SYN3: variants seen among roughly 807,000 people sequenced by gnomAD.
SYN3 encodes synapsin III.
SYN3 carries 35 observed loss-of-function variants against 65.8 expected under a neutral mutation model. The ratio of observed to expected loss-of-function variants is 0.53; its 90% CI spans 0.41 to 0.70. The LOEUF (loss-of-function observed/expected upper bound fraction) is 0.70, where lower values mean the gene tolerates loss of function less well. SYN3 is among the 30% of genes least tolerant of loss of function. The pLI, the probability that SYN3 is intolerant of heterozygous loss-of-function variation, is 0.00. For missense variants in SYN3, 680 were observed against 749.0 expected (o/e 0.91, Z 1.08); for synonymous variants, 270 against 292.9 (o/e 0.92, Z 0.80).
intron 6 of SYN3, among the ~76,000 whole-genome samples, chr22:32,766,031 T>C (rs1373406525): frequency 6.6e-6 from 1 of 152,158 alleles, no homozygotes; most frequent in Non-Finnish European, 1.5e-5. Context: ...TTTGTTGTTG[T>C]TGTTCATTTG....
chr22:32,610,294 A>C (rs988872969), intron 6 of SYN3, among the ~76,000 whole-genome samples: 32 of 151,342 alleles, frequency 2.1e-4, no homozygotes, highest in East Asian at 1.2e-3. Flanking sequence ...GCCCCCCCCA[A>C]AAAAAGAAAT....
chr22:32,942,634 G>A (rs1226981549), intron 3 of SYN3, among the ~76,000 whole-genome samples: 2 of 152,232 alleles, frequency 1.3e-5, no homozygotes, highest in East Asian at 1.9e-4. Context: ...GGCTTCAGAC[G>A]ATCAAACTTC....
intron 6 of SYN3, among the ~76,000 whole-genome samples, chr22:32,670,775 A>G (rs1348508548): frequency 6.6e-6 from 1 of 152,216 alleles, no homozygotes; most frequent in Non-Finnish European, 1.5e-5. Flanking sequence ...GAATGTGGCT[A>G]TGTGGATTGT....
At chr22:33,028,174 T>C (rs1194201583) in intron 1 of SYN3, among the ~76,000 whole-genome samples, 1 of 151,930 alleles carries the variant, frequency 6.6e-6, no homozygotes, top group African/African-American at 2.4e-5. Context: ...TCCCAGCCCG[T>C]GGTTTCCACA....
At chr22:32,778,374 C>T (rs1233474765) in intron 6 of SYN3, among the ~76,000 whole-genome samples, 2 of 152,156 alleles carry the variant, frequency 1.3e-5, no homozygotes, top group Non-Finnish European at 2.9e-5. Flanking sequence ...CCACAACCTC[C>T]GACTTCCGAG....
chr22:32,957,555 C>T (rs779751277), intron 3 of SYN3, among the ~76,000 whole-genome samples: 5 of 152,218 alleles, frequency 3.3e-5, no homozygotes, highest in East Asian at 1.9e-4. Context: ...AAAAGCCCCG[C>T]GCTCTCCCCA....
intron 6 of SYN3, among the ~76,000 whole-genome samples, chr22:32,779,395 G>A (rs200681864): frequency 1.3e-5 from 2 of 152,192 alleles, no homozygotes; most frequent in East Asian, 3.9e-4. Flanking sequence ...GGGAGGCGGA[G>A]GTTGCAGTGA....
chr22:32,961,110 T>C (rs1429596610), intron 3 of SYN3, among the ~76,000 whole-genome samples: 2 of 152,176 alleles, frequency 1.3e-5, no homozygotes, highest in African/African-American at 4.8e-5. Flanking sequence ...TGCGGAAGAC[T>C]GTTTTGTGTA....
rs1447271567 is a variant in SYN3, at chr22:32,992,992, C to A, written c.312-12290G>T. ...GAAGCAAGCCTTCTTTTTGTGCAGT[C>A]CTGGTGGGACTGTCCCAAAGTGCCC... On this transcript the variant is annotated intron_variant, in intron 2 of 13. Transcript: ENST00000358763. Among the ~76,000 whole-genome samples, 4 of 152,078 alleles carry A rather than the reference C, an allele frequency of 2.6e-5. No homozygotes were observed. In the East Asian group the frequency reaches 5.8e-4, roughly 22 times the overall value.
chr22:32,983,510 C>G (rs549732904), intron 2 of SYN3, among the ~76,000 whole-genome samples: 1 of 152,188 alleles, frequency 6.6e-6, no homozygotes, highest in Non-Finnish European at 1.5e-5. Flanking sequence ...ACTGACAGCT[C>G]TGATATTAGC....
At chr22:32,581,308 C>T (rs58638264) in intron 7 of SYN3, among the ~76,000 whole-genome samples, 1,806 of 152,262 alleles carry the variant, frequency 0.012, 44 homozygotes, top group African/African-American at 0.042. Context: ...CGGGTTTCGC[C>T]ATGTTGGCCA....
intron 6 of SYN3, among the ~76,000 whole-genome samples, chr22:32,844,922 T>A (rs1306391761): frequency 6.6e-6 from 1 of 152,174 alleles, no homozygotes; most frequent in Non-Finnish European, 1.5e-5. Flanking sequence ...AGAGACAAGG[T>A]CTCACTGTGT....
intron 7 of SYN3, among the ~76,000 whole-genome samples, chr22:32,587,177 A>T (rs2858745): frequency 6.8e-6 from 1 of 146,940 alleles, no homozygotes; most frequent in Non-Finnish European, 1.5e-5. Context: ...AGCCGAGATC[A>T]CACCACTGCA....
In SYN3 at chr22:32,864,906, G is replaced by A. The variant is rs2048648406; in HGVS notation, c.711+9C>T. On this transcript the variant is annotated intron_variant, in intron 6 of 13. Coordinates refer to ENST00000358763, the MANE Select transcript of SYN3 (RefSeq NM_003490.4). ...CATGCAAAGAAACAGAGTAAAAAAG[G>A]GCACTCACCATTGGCTTATGGTTGG... 2.5e-6 allele frequency: 4 copies of A among 1,611,866 alleles called. No individual in the cohort carries two copies. The highest frequency in any genetic ancestry group is 3.3e-5 in the Admixed American group (2 of 60,026).
chr22:33,044,946 G>T (rs1002784077), intron 1 of SYN3, among the ~76,000 whole-genome samples: 4 of 151,130 alleles, frequency 2.6e-5, no homozygotes, highest in Non-Finnish European at 1.5e-5. Flanking sequence ...GGGTTCAAGC[G>T]ACTCTCCTGC....
At chr22:32,633,771 G>A (rs139730727) in intron 6 of SYN3, among the ~76,000 whole-genome samples, 11 of 149,980 alleles carry the variant, frequency 7.3e-5, no homozygotes, top group African/African-American at 2.0e-4. Context: ...CCACAGGTGC[G>A]TTTTTCTCAA....
intron 12 of SYN3, among the ~76,000 whole-genome samples, chr22:32,518,921 G>A (rs1046397043): frequency 6.6e-6 from 1 of 152,112 alleles, no homozygotes; most frequent in Non-Finnish European, 1.5e-5. Context: ...GAGGTGATAC[G>A]GTGGGGCCCT....
At chr22:32,587,490 T>G (rs910816256) in intron 7 of SYN3, among the ~76,000 whole-genome samples, 45 of 152,110 alleles carry the variant, frequency 3.0e-4, no homozygotes, top group African/African-American at 1.1e-3. Flanking sequence ...GAGACTCTCC[T>G]CTCTGGCTGT....
At chr22:32,710,376 A>G (rs1245337923) in intron 6 of SYN3, among the ~76,000 whole-genome samples, 1 of 151,640 alleles carries the variant, frequency 6.6e-6, no homozygotes, top group Non-Finnish European at 1.5e-5. Context: ...CATGCCTGTA[A>G]TTCCAGCAGT....
Sources: allele counts gnomAD v4.1 joint callset (sites outside exome capture counted in the v4.1 genomes callset), GRCh38; gene constraint gnomAD v4.1.1; transcripts MANE v1.5; gene names NCBI Gene and HGNC (gene_info 2026-07-23, HGNC 2026-07-21).